Variants in XIRP2 observed in about 807,000 individuals in gnomAD.
The protein encoded by XIRP2 is xin actin-binding repeat-containing protein 2.
XIRP2 carries 236 observed loss-of-function variants against 277.0 expected under a neutral mutation model. That is an observed-to-expected ratio of 0.85 (90% CI 0.77 to 0.95). XIRP2 has a LOEUF of 0.95. Ranked by LOEUF, XIRP2 falls within the 40% of genes least tolerant of loss-of-function variation. The pLI is 0.00. For missense variants in XIRP2, 4,640 were observed against 4,157.5 expected (o/e 1.12, Z -3.19); for synonymous variants, 1,490 against 1,416.5 (o/e 1.05, Z -1.17).
Position 167,033,447 on chromosome 2 carries a change from T to A in XIRP2, c.409-102462T>A, listed in dbSNP as rs557172145. On this transcript the variant is annotated intron_variant, in intron 2 of 10. Coordinates refer to ENST00000409195, the MANE Select transcript of XIRP2 (RefSeq NM_152381.6). ...AGAACTTAAAGTATAATAATTTTTT[T>A]AAAAGTTTATTCAATGCAATAAAAA... Among the ~76,000 whole-genome samples, 580 of 152,126 alleles carry A rather than the reference T, an allele frequency of 3.8e-3. 9 individuals are homozygous for A. The highest frequency in any genetic ancestry group is 0.013 in the African/African-American group (556 of 41,554).
At chr2:167,167,867 C>T (rs971892222) in intron 3 of XIRP2, among the ~76,000 whole-genome samples, 2 of 152,090 alleles carry the variant, frequency 1.3e-5, no homozygotes, top group African/African-American at 2.4e-5. Context: ...ACCTTTCTGA[C>T]CTATATCATT....
intron 2 of XIRP2, among the ~76,000 whole-genome samples, chr2:167,079,367 T>TC (rs1033137438): frequency 2.0e-5 from 3 of 152,166 alleles, no homozygotes; most frequent in African/African-American, 7.2e-5. Context: ...TAGGGAGGAA[T>TC]CCCCCCGCTC....
chr2:166,911,811 A>G (rs1684709844), intron 2 of XIRP2, among the ~76,000 whole-genome samples: 1 of 152,178 alleles, frequency 6.6e-6, no homozygotes, highest in Non-Finnish European at 1.5e-5. Flanking sequence ...CCTGGTGGTG[A>G]CAAAATCTCT....
intron 2 of XIRP2, among the ~76,000 whole-genome samples, chr2:167,004,533 G>A (rs1485701532): frequency 1.3e-5 from 2 of 151,846 alleles, no homozygotes; most frequent in Admixed American, 6.6e-5. Context: ...GTGACAATTT[G>A]TAAAAGAAAG....
intron 3 of XIRP2, among the ~76,000 whole-genome samples, chr2:167,205,335 TATG>T: frequency 6.6e-6 from 1 of 152,320 alleles, no homozygotes; most frequent in Admixed American, 6.5e-5. Context: ...TTATCAATTA[TATG>T]ATTACTTATA....
chr2:167,074,339 C>T (rs992148665), intron 2 of XIRP2, among the ~76,000 whole-genome samples: 1 of 151,978 alleles, frequency 6.6e-6, no homozygotes, highest in Non-Finnish European at 1.5e-5. Context: ...CTTTTCCATG[C>T]CTAGTCATTT....
At chr2:167,062,860 A>G (rs1689205979) in intron 2 of XIRP2, among the ~76,000 whole-genome samples, 2 of 152,026 alleles carry the variant, frequency 1.3e-5, no homozygotes, top group Admixed American at 6.6e-5. Context: ...CCAGAAGTGT[A>G]GTATTAATTT....
rs537916372 is a variant in XIRP2, at chr2:167,099,936, G to A, written c.409-35973G>A. On this transcript the variant is annotated intron_variant, in intron 2 of 10. Coordinates refer to ENST00000409195, the MANE Select transcript of XIRP2 (RefSeq NM_152381.6). ...TTGATCTCTCTGGGAGCTGCAGACCGGAGCCGTTCCTATTCAGCCATCTTG... is the reference window on the plus strand; with the variant it reads ...TTGATCTCTCTGGGAGCTGCAGACCAGAGCCGTTCCTATTCAGCCATCTTG... Among the ~76,000 whole-genome samples, 28 of 152,150 alleles carry A rather than the reference G, an allele frequency of 1.8e-4. No individual in the cohort carries two copies. In the South Asian group the frequency reaches 3.5e-3, roughly 19 times the overall value.
At chr2:166,940,413 A>G (rs745624753) in intron 2 of XIRP2, among the ~76,000 whole-genome samples, 7 of 152,184 alleles carry the variant, frequency 4.6e-5, no homozygotes, top group Non-Finnish European at 8.8e-5. Context: ...AGCTTGGAGA[A>G]GTTTGATCGT....
chr2:166,968,056 C>A (rs536676842), intron 2 of XIRP2, among the ~76,000 whole-genome samples: 1 of 151,802 alleles, frequency 6.6e-6, no homozygotes, highest in African/African-American at 2.4e-5. Context: ...TACAGTTGCA[C>A]GTGTTAGATG....
At chr2:167,191,693 A>C (rs1357768776) in intron 3 of XIRP2, among the ~76,000 whole-genome samples, 3 of 152,150 alleles carry the variant, frequency 2.0e-5, no homozygotes, top group African/African-American at 7.2e-5. Context: ...ATTCTGCCCC[A>C]AAACCCCACT....
intron 5 of XIRP2, 91 bp from the exon 6 acceptor site, chr2:167,239,764 T>A: frequency 1.8e-6 from 2 of 1,104,432 alleles, no homozygotes; most frequent in Non-Finnish European, 1.3e-6. Context: ...TCTCATTTTT[T>A]TTCAGAAATT....
intron 2 of XIRP2, among the ~76,000 whole-genome samples, chr2:167,116,436 C>G (rs1372498145): frequency 6.6e-6 from 1 of 152,122 alleles, no homozygotes; most frequent in African/African-American, 2.4e-5. Flanking sequence ...TCTATTTCAT[C>G]TGATATTAAT....
At chr2:167,040,470 T>A (rs549341947) in intron 2 of XIRP2, among the ~76,000 whole-genome samples, 18 of 152,178 alleles carry the variant, frequency 1.2e-4, no homozygotes, top group African/African-American at 4.3e-4. Context: ...GAACACCAGC[T>A]GCAGGAGACC....
At chr2:166,911,142 A>G (rs1187947562) in intron 2 of XIRP2, among the ~76,000 whole-genome samples, 1 of 152,174 alleles carries the variant, frequency 6.6e-6, no homozygotes, top group Non-Finnish European at 1.5e-5. Flanking sequence ...CTTGTTACAG[A>G]GCTGAGTTCA....
At chr2:166,954,656 A>G (rs1574111149) in intron 2 of XIRP2, among the ~76,000 whole-genome samples, 1 of 151,954 alleles carries the variant, frequency 6.6e-6, no homozygotes, top group South Asian at 2.1e-4. Flanking sequence ...TAGCAAAGAC[A>G]TGGAATTAAC....
rs186618189 is a variant in XIRP2 at position 167,094,853 on chromosome 2, G to A, written c.409-41056G>A. On this transcript the variant is annotated intron_variant, in intron 2 of 10. Transcript: ENST00000409195. ...AAGTAGTTTTTTCTAATTCTGTGAA[G>A]GAAGCCAATTGTAGCTTGATGGGGA... Among the ~76,000 whole-genome samples, 1,239 of 152,224 alleles carry A rather than the reference G, an allele frequency of 8.1e-3. 6 individuals carry two copies. Among genetic ancestry groups the A allele is most frequent in the Middle Eastern group, 0.061 (18 of 294 alleles).
intron 2 of XIRP2, among the ~76,000 whole-genome samples, chr2:167,081,946 C>CTTTT (rs398104948): frequency 6.8e-6 from 1 of 146,558 alleles, no homozygotes. Flanking sequence ...CATGTATTTT[C>CTTTT]TTTTTTTTTA....
At chr2:167,004,271 T>G (rs1558943840) in intron 2 of XIRP2, among the ~76,000 whole-genome samples, 1 of 151,902 alleles carries the variant, frequency 6.6e-6, no homozygotes. Context: ...TTTATAACCC[T>G]GGGAGATACA....
Sources: allele counts gnomAD v4.1 joint callset (sites outside exome capture counted in the v4.1 genomes callset), GRCh38; gene constraint gnomAD v4.1.1; transcripts MANE v1.5; gene names NCBI Gene and HGNC (gene_info 2026-07-23, HGNC 2026-07-21).